Variants in TFCP2 observed in about 807,000 individuals in gnomAD.
TFCP2 encodes the protein transcription factor CP2.
In TFCP2, 33 loss-of-function variants were observed where a neutral mutation model predicts 73.4. The ratio of observed to expected loss-of-function variants is 0.45; its 90% CI spans 0.34 to 0.60. The LOEUF is 0.60. TFCP2 is among the 20% of genes least tolerant of loss of function. The pLI is 0.01. For synonymous variants in TFCP2, 193 were observed against 211.6 expected (o/e 0.91, Z 0.76); for missense variants, 352 against 604.0 (o/e 0.58, Z 4.37).
chr12:51,126,245 A>AG (rs1940815354), intron 1 of TFCP2, among the ~76,000 whole-genome samples: 1 of 151,286 alleles, frequency 6.6e-6, no homozygotes, highest in Non-Finnish European at 1.5e-5. Flanking sequence ...AAAAAAAAAA[A>AG]AAAAAAGAAA....
rs1301646266 is a variant in TFCP2 at position 51,141,919 on chromosome 12, A to C, written c.123-23147T>G. Among the ~76,000 whole-genome samples, 8 of 149,342 alleles carry C rather than the reference A, an allele frequency of 5.4e-5. No homozygotes were observed. The East Asian group carries it at 1.2e-3, about 22-fold the overall frequency. On this transcript the variant is annotated intron_variant, in intron 1 of 14. Coordinates refer to ENST00000257915, the MANE Select transcript of TFCP2 (RefSeq NM_005653.5). Reference sequence around the variant, plus strand: ...AGACTCTGTCTCAAAAAAAAAAAAAAAAAAACCAGGCACAGTGGCTCACGC... The same window carrying C: ...AGACTCTGTCTCAAAAAAAAAAAAACAAAAACCAGGCACAGTGGCTCACGC...
intron 1 of TFCP2, among the ~76,000 whole-genome samples, chr12:51,128,478 T>TAAAAAAAAAAAA (rs11324129): frequency 2.9e-5 from 4 of 137,302 alleles, no homozygotes; most frequent in Non-Finnish European, 3.2e-5. Flanking sequence ...AGTATAATAA[T>TAAAAAAAAAAAA]AAAAAAAAAA....
At chr12:51,120,467 T>C (rs1439535839) in intron 1 of TFCP2, among the ~76,000 whole-genome samples, 1 of 152,082 alleles carries the variant, frequency 6.6e-6, no homozygotes, top group African/African-American at 2.4e-5. Context: ...AGGGGATGAC[T>C]TGGAAGGTAT....
intron 4 of TFCP2, among the ~76,000 whole-genome samples, 187 bp downstream of exon 4, chr12:51,116,128 C>G (rs546021209): frequency 1.3e-5 from 2 of 152,186 alleles, no homozygotes; most frequent in Non-Finnish European, 2.9e-5. Flanking sequence ...GTTTACACTT[C>G]CAACTTCAAT....
chr12:51,123,931 ACTAAG>A (rs1453842586), intron 1 of TFCP2, among the ~76,000 whole-genome samples: 3 of 152,232 alleles, frequency 2.0e-5, no homozygotes, highest in Non-Finnish European at 1.5e-5. Context: ...CTAAACCTAA[ACTAAG>A]CTATGTTATC....
chr12:51,162,998 C>G (rs1941680780), intron 1 of TFCP2: 1 of 152,126 alleles, frequency 6.6e-6, no homozygotes, highest in Admixed American at 6.6e-5. Context: ...GTGAAGCATT[C>G]CATATTTTAA....
chr12:51,163,733 G>A (rs1406614413), intron 1 of TFCP2, among the ~76,000 whole-genome samples: 3 of 151,614 alleles, frequency 2.0e-5, no homozygotes, highest in Admixed American at 1.3e-4. Context: ...ACAAGCCTGG[G>A]CACCATAGTG....
chr12:51,103,933 C>G, intron 9 of TFCP2, 170 bp from the exon 10 acceptor site: 1 of 691,698 alleles, frequency 1.4e-6, no homozygotes, highest in Non-Finnish European at 2.5e-6. Flanking sequence ...TCCTTTTCTT[C>G]CCCACTAGAC....
At chr12:51,126,130 A>G (rs756588400) in intron 1 of TFCP2, among the ~76,000 whole-genome samples, 6 of 149,966 alleles carry the variant, frequency 4.0e-5, no homozygotes, top group South Asian at 2.1e-4. Context: ...CTACTTGGGA[A>G]GCTGAGGCAG....
intron 1 of TFCP2, among the ~76,000 whole-genome samples, chr12:51,122,569 T>G (rs2136990481): frequency 6.6e-6 from 1 of 152,200 alleles, no homozygotes; most frequent in Non-Finnish European, 1.5e-5. Context: ...TATGAAACAA[T>G]TTTCTAATCG....
intron 1 of TFCP2, among the ~76,000 whole-genome samples, chr12:51,141,395 A>G (rs1019420387): frequency 6.6e-6 from 1 of 151,878 alleles, no homozygotes; most frequent in African/African-American, 2.4e-5. Flanking sequence ...GACTCCATAT[A>G]TTTTCATTAT....
intron 1 of TFCP2, among the ~76,000 whole-genome samples, chr12:51,170,352 T>TTTTTTTTA (rs1941836602): frequency 6.6e-6 from 1 of 150,820 alleles, no homozygotes; most frequent in African/African-American, 2.4e-5. Context: ...TCTTTTTTTT[T>TTTTTTTTA]AATTTTAAGA....
At chr12:51,113,484 T>C (rs1309682397) in intron 4 of TFCP2, among the ~76,000 whole-genome samples, 1 of 152,198 alleles carries the variant, frequency 6.6e-6, no homozygotes, top group Non-Finnish European at 1.5e-5. Flanking sequence ...ACTCCCACTT[T>C]ATAGTGCCTG....
At chr12:51,104,711 C>A (rs1274466860) in intron 8 of TFCP2, among the ~76,000 whole-genome samples, 2 of 136,848 alleles carry the variant, frequency 1.5e-5, no homozygotes, top group African/African-American at 2.6e-5. Context: ...AAATAAAAAA[C>A]AATTTTTTTT....
intron 1 of TFCP2, among the ~76,000 whole-genome samples, chr12:51,137,162 T>C (rs1478304319): frequency 1.3e-5 from 2 of 152,168 alleles, no homozygotes; most frequent in African/African-American, 2.4e-5. Context: ...TTTAGATCAC[T>C]TGCGAGATAC....
chr12:51,111,050 G>A, intron 4 of TFCP2, 67 bp from the exon 5 acceptor site: 1 of 1,075,664 alleles, frequency 9.3e-7, no homozygotes, highest in Non-Finnish European at 1.4e-6. Context: ...AGAAAGCATT[G>A]ATTCTTATAT....
intron 5 of TFCP2, among the ~76,000 whole-genome samples, 153 bp from the exon 6 acceptor site, chr12:51,109,426 C>A (rs1438279886): frequency 2.6e-5 from 4 of 152,164 alleles, no homozygotes; most frequent in Non-Finnish European, 5.9e-5. Flanking sequence ...GAAGAACTTA[C>A]AATCTGATAG....
chr12:51,164,125 C>T (rs1050307363), intron 1 of TFCP2, among the ~76,000 whole-genome samples: 1 of 152,072 alleles, frequency 6.6e-6, no homozygotes, highest in African/African-American at 2.4e-5. Flanking sequence ...ATCACTTGAG[C>T]CCAGCAGTTT....
intron 1 of TFCP2, among the ~76,000 whole-genome samples, chr12:51,129,922 G>A (rs1940901624): frequency 6.6e-6 from 1 of 151,892 alleles, no homozygotes; most frequent in Admixed American, 6.6e-5. Context: ...GCTGAGGCAG[G>A]AGGACTGCTT....
Sources: allele counts gnomAD v4.1 joint callset (sites outside exome capture counted in the v4.1 genomes callset), GRCh38; gene constraint gnomAD v4.1.1; transcripts MANE v1.5; gene names NCBI Gene and HGNC (gene_info 2026-07-23, HGNC 2026-07-21).